The following KPNA3 variants were observed in gnomAD, a reference collection of about 807,000 sequenced individuals.
KPNA3 encodes the protein karyopherin subunit alpha 3, also known as importin subunit alpha-4.
A neutral mutation model predicts 73.8 loss-of-function variants in KPNA3; 13 were observed. That is an observed-to-expected ratio of 0.18 (90% CI 0.11 to 0.28). The LOEUF (loss-of-function observed/expected upper bound fraction) is 0.28. Ranked by LOEUF, KPNA3 falls within the 10% of genes least tolerant of loss-of-function variation. KPNA3 has a pLI of 1.00. For synonymous variants in KPNA3, 186 were observed against 206.9 expected, an observed-to-expected ratio of 0.90 and a Z score of 0.87; for missense variants, 360 against 618.1, an observed-to-expected ratio of 0.58 and a Z score of 4.43.
chr13:49,779,008 A>G (rs1465432331), intron 1 of KPNA3, among the ~76,000 whole-genome samples: 1 of 152,180 alleles, frequency 6.6e-6, no homozygotes, highest in Non-Finnish European at 1.5e-5. Flanking sequence ...AGATGAGTGG[A>G]CAACATTCAT....
chr13:49,760,526 A>G (rs1419601897), intron 1 of KPNA3, among the ~76,000 whole-genome samples: 1 of 152,208 alleles, frequency 6.6e-6, no homozygotes, highest in Non-Finnish European at 1.5e-5. Context: ...AGAGACCATA[A>G]ATTAAAAAGG....
At chr13:49,742,899 G>T (rs1440508783) in intron 2 of KPNA3, among the ~76,000 whole-genome samples, 1 of 152,064 alleles carries the variant, frequency 6.6e-6, no homozygotes, top group South Asian at 2.1e-4. Context: ...TTCAATACAT[G>T]ACTTAAATAT....
At chr13:49,717,832 T>C (rs1362247678) in intron 10 of KPNA3, among the ~76,000 whole-genome samples, 1 of 152,244 alleles carries the variant, frequency 6.6e-6, no homozygotes, top group Non-Finnish European at 1.5e-5. Context: ...TCTGTCTCCT[T>C]ATAATGCTCG....
intron 2 of KPNA3, among the ~76,000 whole-genome samples, chr13:49,745,358 G>A (rs116658224): frequency 0.028 from 4,155 of 146,358 alleles, 192 homozygotes; most frequent in African/African-American, 0.094. Flanking sequence ...GTTTCAAGAC[G>A]GTAATTTTTT....
At chr13:49,779,864 C>T (rs2137602490) in intron 1 of KPNA3, among the ~76,000 whole-genome samples, 1 of 152,230 alleles carries the variant, frequency 6.6e-6, no homozygotes, top group South Asian at 2.1e-4. Context: ...CAATGAATGG[C>T]TTATTGTAAG....
intron 1 of KPNA3, among the ~76,000 whole-genome samples, chr13:49,782,357 G>A (rs1015361409): frequency 6.6e-6 from 1 of 152,080 alleles, no homozygotes; most frequent in African/African-American, 2.4e-5. Context: ...CCTACCTCAA[G>A]TATGACCTTC....
Position 49,705,802 on chromosome 13 carries a change from G to C in KPNA3, c.1210-19C>G, listed in dbSNP as rs112700790. On this transcript the variant is annotated intron_variant, in intron 14 of 16. Coordinates refer to ENST00000261667, the MANE Select transcript of KPNA3 (RefSeq NM_002267.4). ...ACTCAACCTAGACAACAAAAGAGAAGAAATATTTTTATTTATATAATTATC... is the reference window on the plus strand; with the variant it reads ...ACTCAACCTAGACAACAAAAGAGAACAAATATTTTTATTTATATAATTATC... The C allele has an allele frequency of 9.7e-6, 15 of 1,548,302 alleles. No homozygotes were observed. The highest frequency in any genetic ancestry group is 1.2e-5 in the Non-Finnish European group (14 of 1,146,692).
intron 1 of KPNA3, among the ~76,000 whole-genome samples, chr13:49,764,213 ACT>A (rs1954791970): frequency 6.6e-6 from 1 of 151,376 alleles, no homozygotes; most frequent in Non-Finnish European, 1.5e-5. Flanking sequence ...ATCAACTCTA[ACT>A]CTTGTACTTC....
Position 49,713,674 on chromosome 13 carries a change from C to CACACACACACACAA in KPNA3, c.772-2653_772-2652insTTGTGTGTGTGTGT, listed in dbSNP as rs563909268. Among the ~76,000 whole-genome samples, 260 of 141,986 alleles carry CACACACACACACAA rather than the reference C, an allele frequency of 1.8e-3. 3 individuals are homozygous for CACACACACACACAA. The highest frequency in any genetic ancestry group is 0.014 in the East Asian group (67 of 4,894). 93.1% of individuals were successfully genotyped at this position (141,986 alleles called of 152,430 possible). On this transcript the variant is annotated intron_variant, in intron 10 of 16. Coordinates refer to ENST00000261667, the MANE Select transcript of KPNA3 (RefSeq NM_002267.4). ...ACACACACACACACACACACACACA[C>CACACACACACACAA]AAAACAGAAAAACCCAACAACAAAA... is the stretch of plus-strand genomic sequence containing the variant.
At chr13:49,751,513 T>C (rs1954663227) in intron 1 of KPNA3, among the ~76,000 whole-genome samples, 1 of 152,174 alleles carries the variant, frequency 6.6e-6, no homozygotes, top group African/African-American at 2.4e-5. Flanking sequence ...GTGTCATCTT[T>C]CTCTTGAATA....
chr13:49,791,346 A>G (rs1006980599), intron 1 of KPNA3, among the ~76,000 whole-genome samples: 5 of 152,192 alleles, frequency 3.3e-5, no homozygotes, highest in African/African-American at 7.2e-5. Flanking sequence ...TCCCCCTAAC[A>G]AATCCAAAGG....
At chr13:49,734,321 TTTGTAAC>T (rs956030145) in intron 2 of KPNA3, among the ~76,000 whole-genome samples, 2 of 152,244 alleles carry the variant, frequency 1.3e-5, no homozygotes, top group Non-Finnish European at 2.9e-5. Flanking sequence ...CTATGAGGTT[TTTGTAAC>T]TGTCTTATTC....
intron 1 of KPNA3, among the ~76,000 whole-genome samples, chr13:49,748,817 A>T (rs191484455): frequency 6.6e-6 from 1 of 152,262 alleles, no homozygotes; most frequent in Non-Finnish European, 1.5e-5. Flanking sequence ...ATGTTTCTAT[A>T]TTGTGACTTT....
Position 49,703,272 on chromosome 13 carries a change from T to A in KPNA3, c.1373-792A>T, listed in dbSNP as rs958312410. Among the ~76,000 whole-genome samples the A allele has an allele frequency of 2.1e-5, 3 of 141,236 alleles. 1 individual carries two copies. The highest frequency in any genetic ancestry group is 4.9e-4 in the South Asian group (2 of 4,068). 92.7% of individuals were successfully genotyped at this position (141,236 alleles called of 152,430 possible). On this transcript the variant is annotated intron_variant, in intron 15 of 16. Transcript: ENST00000261667. ...GTCTCGGCTCACTGCAACCTCCACCTCCTGGGTTCAAGTGTCTCCTGCCTC... is the reference window on the plus strand; with the variant it reads ...GTCTCGGCTCACTGCAACCTCCACCACCTGGGTTCAAGTGTCTCCTGCCTC...
At chr13:49,737,530 TTTG>T (rs1954533207) in intron 2 of KPNA3, among the ~76,000 whole-genome samples, 1 of 149,498 alleles carries the variant, frequency 6.7e-6, no homozygotes, top group Non-Finnish European at 1.5e-5. Flanking sequence ...ATTAGACTGT[TTTG>T]TTTTTTCTTA....
At chr13:49,724,178 C>T (rs866645099) in intron 7 of KPNA3, among the ~76,000 whole-genome samples, 4 of 152,142 alleles carry the variant, frequency 2.6e-5, no homozygotes, top group Non-Finnish European at 4.4e-5. Flanking sequence ...ATCCACTCCT[C>T]GGTTAATGAA....
Position 49,722,090 on chromosome 13 carries a change from T to G in KPNA3, c.591A>C (p.Ser197=). 1 of 1,606,596 alleles carries G rather than the reference T, an allele frequency of 6.2e-7. No individual in the cohort carries two copies. The highest frequency in any genetic ancestry group is 8.5e-7 in the Non-Finnish European group (1 of 1,176,854). Residue 197 remains serine, a synonymous_variant, in exon 9 of 17, where the codon TCA becomes TCC. Transcript: ENST00000261667. ...DGPQCRDYVI[S]LGVVKPLLSF... ...ACAGAAGAGGTTTGACAACTCCCAG[T>G]GATATGACATAATCTCTACATTGAG...
At chr13:49,721,272 AAC>A (rs1954354733) in intron 9 of KPNA3, among the ~76,000 whole-genome samples, 1 of 152,202 alleles carries the variant, frequency 6.6e-6, no homozygotes, top group Admixed American at 6.5e-5. Context: ...CTCATTCAAG[AAC>A]ATTTGCATGT....
chr13:49,725,737 G>A (rs201803140), intron 6 of KPNA3, among the ~76,000 whole-genome samples: 2 of 151,686 alleles, frequency 1.3e-5, no homozygotes, highest in Non-Finnish European at 2.9e-5. Flanking sequence ...TCTGCCTCTG[G>A]GGTTCAAGTG....
Sources: gnomAD v4.1 joint callset for allele counts (sites outside exome capture counted in the v4.1 genomes callset) on GRCh38, gnomAD v4.1.1 for gene constraint, MANE v1.5 for transcripts, NCBI Gene and HGNC (gene_info 2026-07-23, HGNC 2026-07-21) for gene names.